The following TMC4 variants were observed in gnomAD, a reference collection of about 807,000 sequenced individuals.
The protein encoded by TMC4 is voltage-gated chloride channel TMC4.
Under a neutral mutation model 82.0 loss-of-function variants are expected in TMC4, and 70 were observed. The observed-to-expected ratio is 0.85, with a 90% CI of 0.70 to 1.04. The LOEUF (loss-of-function observed/expected upper bound fraction) is 1.04. TMC4 is among the 50% of genes least tolerant of loss of function. TMC4 has a pLI of 0.00. For missense variants in TMC4, 879 were observed against 899.0 expected (o/e 0.98, Z 0.28); for synonymous variants, 446 against 406.0 (o/e 1.10, Z -1.18).
chr19:54,160,674 C>A (rs1052801133), intron 13 of TMC4, 129 bp from the exon 14 acceptor site: 103 of 1,497,080 alleles, frequency 6.9e-5, no homozygotes, highest in Non-Finnish European at 8.4e-5. Context: ...GTTCAGTCTC[C>A]CAGCCCCTCC....
At position 54,164,647 on chromosome 19, in the gene TMC4, C is replaced by T. The variant is rs570173312; in HGVS notation, c.946-46G>A. The T allele has an allele frequency of 2.4e-5, 38 of 1,604,556 alleles. No individual in the cohort carries two copies. In the African/African-American group the frequency reaches 4.5e-4, roughly 19 times the overall value. On this transcript the variant is annotated intron_variant, in intron 6 of 14. Coordinates refer to ENST00000619895, the MANE Select transcript of TMC4 (RefSeq NM_144686.4). The stretch of plus-strand genomic sequence containing the variant: ...CGCTTGGACTCCATTTCCCAAGGCG[C>T]GGGCCTCCCGGTTCCCCAGGTCTGG...
chr19:54,165,486 C>T lies in TMC4; in HGVS notation c.878G>A (p.Trp293Ter), dbSNP rs1233360678. ...TSYSHRVFSA[W>*]DFGLCGDVHV... ...GACGTCCCCGCAGAGACCGAAGTCC[C>T]AGGCCGAGAACACCCGGTGGCTGTA... The change falls in exon 6 of 15, where the codon TGG (tryptophan) becomes TAG (stop). Residue 293 changes from tryptophan to a stop codon, truncating the protein, a stop_gained. Transcript: ENST00000619895. LOFTEE classifies it high-confidence loss of function. The T allele has an allele frequency of 2.5e-6, 4 of 1,613,048 alleles. No homozygotes were observed. In the South Asian group the frequency reaches 4.4e-5, roughly 18 times the overall value.
At chr19:54,164,894 CT>C (rs2075662991) in intron 6 of TMC4, among the ~76,000 whole-genome samples, 1 of 152,018 alleles carries the variant, frequency 6.6e-6, no homozygotes, top group Non-Finnish European at 1.5e-5. Context: ...AGACCCGCCC[CT>C]GGTCAGCCCT....
intron 5 of TMC4, among the ~76,000 whole-genome samples, chr19:54,166,355 G>T (rs1352388834): frequency 6.7e-6 from 1 of 148,374 alleles, no homozygotes; most frequent in Non-Finnish European, 1.5e-5. Flanking sequence ...AAGACCCAGA[G>T]AAGACGGGCA....
intron 5 of TMC4, among the ~76,000 whole-genome samples, chr19:54,166,452 A>C (rs1446753989): frequency 6.6e-6 from 1 of 151,982 alleles, no homozygotes; most frequent in African/African-American, 2.4e-5. Context: ...GGACAAAGAG[A>C]CCATGTGCAC....
At position 54,162,616 on chromosome 19, in the gene TMC4, A is replaced by G; in HGVS notation, c.1502+57T>C. On this transcript the variant is annotated intron_variant, in intron 10 of 14. Transcript: ENST00000619895. ...GGTGCGCGGTGAAAAGAACAGCGCGATGGGGCACGGCCTCGTCCTAGAGGG... is the reference window on the plus strand; with the variant it reads ...GGTGCGCGGTGAAAAGAACAGCGCGGTGGGGCACGGCCTCGTCCTAGAGGG... 10 of 1,394,420 alleles carry G rather than the reference A, an allele frequency of 7.2e-6. No homozygotes were observed. In the South Asian group the frequency reaches 1.2e-4, roughly 16 times the overall value. The allele number at this position is 1,394,420 out of a possible 1,614,324, so 86.4% of individuals were successfully genotyped here.
At chr19:54,160,730 G>T (rs992732660) in intron 13 of TMC4, 148 bp downstream of exon 13, 1 of 1,405,008 alleles carries the variant, frequency 7.1e-7, no homozygotes, top group Admixed American at 2.4e-5. Context: ...TCCTCCTTCG[G>T]ACCCAGCAGT....
intron 10 of TMC4, 41 bp from the exon 11 acceptor site, chr19:54,162,326 G>A (rs780823221): frequency 4.8e-5 from 68 of 1,407,070 alleles, no homozygotes; most frequent in Non-Finnish European, 5.9e-5. Flanking sequence ...CAGGGGAGTG[G>A]CGGCCTGGAG....
intron 9 of TMC4, 49 bp from the exon 10 acceptor site, chr19:54,162,819 G>A (rs2075601043): frequency 6.4e-7 from 1 of 1,557,380 alleles, no homozygotes; most frequent in Non-Finnish European, 8.8e-7. Context: ...CCGGGCACCT[G>A]GAGGCCCACG....
In TMC4 at chr19:54,163,141, G is replaced by C; in HGVS notation, c.1296C>G (p.Leu432=). Residue 432 remains leucine (L), a synonymous_variant, in exon 9 of 15, where the codon CTC becomes CTG. Coordinates refer to ENST00000619895, the MANE Select transcript of TMC4 (RefSeq NM_144686.4). ...AGAAGAGCAGGACCACCAGGGAGGC[G>C]AGGCGAAGAAACACGGTCCTGAAGG... is the stretch of plus-strand genomic sequence containing the variant. ...FILLRTVFLR[L]ASLVVLLFSL... 5 of 1,613,832 alleles carry C rather than the reference G, an allele frequency of 3.1e-6. No individual in the cohort carries two copies. Among genetic ancestry groups the C allele is most frequent in the Non-Finnish European group, 4.2e-6 (5 of 1,179,952 alleles).
chr19:54,166,323 CAAAAAAAAA>C (rs58329832), intron 5 of TMC4, among the ~76,000 whole-genome samples: 10 of 108,026 alleles, frequency 9.3e-5, no homozygotes, highest in Admixed American at 1.9e-4. Context: ...AGGTCGCCTC[CAAAAAAAAA>C]AAAAAAAAAA....
chr19:54,165,499 C>A lies in TMC4; in HGVS notation c.865G>T (p.Val289Leu), dbSNP rs116281506. The change falls in exon 6 of 15, where the codon GTG becomes TTG. Residue 289 changes from valine (V) to leucine (L), a missense_variant. Transcript: ENST00000619895. ...SEALTSYSHR[V>L]FSAWDFGLCG... ...AGACCGAAGTCCCAGGCCGAGAACACCCGGTGGCTGTAGCTGGTCAGAGCC... is the reference window on the plus strand; with the variant it reads ...AGACCGAAGTCCCAGGCCGAGAACAACCGGTGGCTGTAGCTGGTCAGAGCC... 34 of 1,613,014 alleles carry A rather than the reference C, an allele frequency of 2.1e-5. No individual in the cohort carries two copies. The African/African-American group carries it at 4.5e-4, about 21-fold the overall frequency.
At chr19:54,161,814 T>C (rs1194417339) in intron 11 of TMC4, among the ~76,000 whole-genome samples, 1 of 152,210 alleles carries the variant, frequency 6.6e-6, no homozygotes, top group African/African-American at 2.4e-5. Context: ...AGTGCTGGGA[T>C]TACAGGCGTG....
In TMC4 at chr19:54,164,468, A is replaced by G. The variant is rs781115943; in HGVS notation, c.1079T>C (p.Val360Ala). ...CACGGTGCACCCCGTAGCCCAGTAG[A>G]CGCCATAGAAGGCTGCCCCCAGGAG... ...VALLGAAFYG[V>A]YWATGCTVEL... The change falls in exon 7 of 15, where the codon GTC (valine) becomes GCC (alanine). Residue 360 changes from valine (V) to alanine (A), a missense_variant. Val to Ala is a moderately conservative substitution (Grantham distance 64). Coordinates refer to ENST00000619895, the MANE Select transcript of TMC4 (RefSeq NM_144686.4). 1 of 1,613,696 alleles carries G rather than the reference A, an allele frequency of 6.2e-7. No homozygotes were observed. The highest frequency in any genetic ancestry group is 1.7e-5 in the Admixed American group (1 of 59,970).
intron 3 of TMC4, among the ~76,000 whole-genome samples, chr19:54,169,180 T>C (rs1246194253): frequency 3.3e-5 from 5 of 150,036 alleles, no homozygotes; most frequent in Non-Finnish European, 5.9e-5. Flanking sequence ...ATTACAGGCG[T>C]GCGCCACCAT....
chr19:54,166,470 G>A (rs992537836), intron 5 of TMC4, among the ~76,000 whole-genome samples: 1 of 152,112 alleles, frequency 6.6e-6, no homozygotes, highest in Non-Finnish European at 1.5e-5. Flanking sequence ...CACCTTCACT[G>A]CCCTGGCCCC....
chr19:54,161,767 C>G (rs184587084), intron 11 of TMC4, among the ~76,000 whole-genome samples: 1 of 152,160 alleles, frequency 6.6e-6, no homozygotes, highest in East Asian at 1.9e-4. Flanking sequence ...GTCTCAAACT[C>G]CTGACCTCAG....
At chr19:54,161,793 T>C (rs1252057360) in intron 11 of TMC4, among the ~76,000 whole-genome samples, 1 of 152,010 alleles carries the variant, frequency 6.6e-6, no homozygotes, top group Non-Finnish European at 1.5e-5. Flanking sequence ...CCACCCGCCT[T>C]AGTCTCCCGA....
At chr19:54,164,356 A>C (rs1243081791) in intron 7 of TMC4, 78 bp downstream of exon 7, 103 of 1,509,130 alleles carry the variant, frequency 6.8e-5, no homozygotes, top group Non-Finnish European at 9.2e-5. Context: ...TGGCATCCCA[A>C]ACTTCCGTCC....
Sources: allele counts gnomAD v4.1 joint callset (sites outside exome capture counted in the v4.1 genomes callset), GRCh38; gene constraint gnomAD v4.1.1; transcripts MANE v1.5; gene names NCBI Gene and HGNC (gene_info 2026-07-23, HGNC 2026-07-21).